HDAC9: variants seen among roughly 807,000 people sequenced by gnomAD.
The protein encoded by HDAC9 is MEF-2 interacting transcription repressor (MITR) protein.
Under a neutral mutation model 139.4 loss-of-function variants are expected in HDAC9, and 41 were observed. The observed-to-expected ratio is 0.29, with a 90% confidence interval of 0.23 to 0.38. HDAC9 has a LOEUF of 0.38. HDAC9 is among the 10% of genes least tolerant of loss of function. HDAC9 has a pLI of 1.00. For missense variants in HDAC9, 1,147 were observed against 1,297.0 expected, an observed-to-expected ratio of 0.88 and a Z score of 1.78; for synonymous variants, 517 against 476.2, an observed-to-expected ratio of 1.09 and a Z score of -1.12.
chr7:18,565,604 A>G (rs1186473301), intron 2 of HDAC9, among the ~76,000 whole-genome samples: 1 of 152,146 alleles, frequency 6.6e-6, no homozygotes, highest in South Asian at 2.1e-4. Context: ...GAACAGGACT[A>G]CATATTTTGG....
chr7:18,829,413 T>A, intron 18 of HDAC9, 48 bp from the exon 19 acceptor site: 1 of 1,378,066 alleles, frequency 7.3e-7, no homozygotes, highest in Non-Finnish European at 1.0e-6. Flanking sequence ...ATAATGGTTT[T>A]CCTGGATGAT....
chr7:18,555,623 G>T (rs1245705892), intron 2 of HDAC9, among the ~76,000 whole-genome samples: 1 of 152,062 alleles, frequency 6.6e-6, no homozygotes, highest in African/African-American at 2.4e-5. Flanking sequence ...GATCCAAGAG[G>T]ATATACTGGA....
intron 21 of HDAC9, among the ~76,000 whole-genome samples, chr7:18,842,764 C>T (rs1796668270): frequency 6.6e-6 from 1 of 152,034 alleles, no homozygotes; most frequent in South Asian, 2.1e-4. Context: ...TCTAGATACC[C>T]TTAGAATTTC....
At position 18,115,647 on chromosome 7, in the gene HDAC9, A is replaced by C. The variant is rs1783930563; in HGVS notation, c.-97+28434A>C. ...AAATCGGTTATTTGACCAGTGTTTC[A>C]GTGCCAGTAACTCATAGCAGCTATA... On this transcript the variant is annotated intron_variant, in intron 1 of 12. Coordinates refer to the HDAC9 transcript ENST00000417496. 2.6e-5 allele frequency among the ~76,000 whole-genome samples: 4 copies of C among 152,196 alleles called. No homozygotes were observed. In the South Asian group the frequency reaches 8.3e-4, roughly 31 times the overall value.
At chr7:18,805,617 C>A (rs972301958) in intron 17 of HDAC9, among the ~76,000 whole-genome samples, 1 of 152,226 alleles carries the variant, frequency 6.6e-6, no homozygotes, top group Non-Finnish European at 1.5e-5. Flanking sequence ...TAGAATGAGA[C>A]TGGAGGCATG....
intron 2 of HDAC9, among the ~76,000 whole-genome samples, chr7:18,271,638 T>G (rs1796363367): frequency 6.6e-6 from 1 of 152,210 alleles, no homozygotes; most frequent in African/African-American, 2.4e-5. Context: ...AATTCCTACA[T>G]TTTTATTAAG....
At chr7:18,122,859 T>C (rs1178833253) in intron 1 of HDAC9, among the ~76,000 whole-genome samples, 1 of 152,208 alleles carries the variant, frequency 6.6e-6, no homozygotes, top group African/African-American at 2.4e-5. Context: ...CCTCAAGTGA[T>C]CTTCCTGCCT....
At chr7:18,729,502 C>T (rs1032486552) in intron 13 of HDAC9, among the ~76,000 whole-genome samples, 2 of 152,024 alleles carry the variant, frequency 1.3e-5, no homozygotes, top group Non-Finnish European at 2.9e-5. Flanking sequence ...TGAAGCAAGA[C>T]ATCTGAATAT....
rs568608909 is a variant in HDAC9, at chr7:18,575,780, A to G, written c.23-9501A>G. 3.9e-5 allele frequency among the ~76,000 whole-genome samples: 6 copies of G among 152,376 alleles called. No homozygotes were observed. In the South Asian group the frequency reaches 1.2e-3, roughly 32 times the overall value. ...CGGGTATGTGTGTATGTGAACATATACATGCAGATGTGCACATGTGTTACT... is the reference window on the plus strand; with the variant it reads ...CGGGTATGTGTGTATGTGAACATATGCATGCAGATGTGCACATGTGTTACT... On this transcript the variant is annotated intron_variant, in intron 2 of 25. Coordinates refer to ENST00000686413, the MANE Select transcript of HDAC9 (RefSeq NM_178425.4).
intron 1 of HDAC9, among the ~76,000 whole-genome samples, chr7:18,361,648 T>C (rs2128689870): frequency 1.3e-5 from 2 of 152,340 alleles, no homozygotes; most frequent in South Asian, 4.1e-4. Context: ...CATAAAATTT[T>C]ACTGAGGGTT....
At chr7:18,925,128 G>A (rs556680114) in intron 22 of HDAC9, among the ~76,000 whole-genome samples, 19 of 152,228 alleles carry the variant, frequency 1.2e-4, no homozygotes, top group African/African-American at 1.9e-4. Flanking sequence ...AGTCATTAAC[G>A]TTTGAGGATT....
At chr7:18,536,932 A>G (rs993378355) in intron 2 of HDAC9, among the ~76,000 whole-genome samples, 1 of 152,222 alleles carries the variant, frequency 6.6e-6, no homozygotes, top group Non-Finnish European at 1.5e-5. Context: ...TGCATAAAAT[A>G]CTATGTGTAT....
chr7:18,601,427 T>C (rs896792548), intron 6 of HDAC9, among the ~76,000 whole-genome samples: 1 of 152,168 alleles, frequency 6.6e-6, no homozygotes, highest in African/African-American at 2.4e-5. Flanking sequence ...AAAACGTTAC[T>C]TTATTTCTTC....
At chr7:18,191,398 A>G (rs1232670708) in intron 2 of HDAC9, among the ~76,000 whole-genome samples, 3 of 152,200 alleles carry the variant, frequency 2.0e-5, no homozygotes, top group African/African-American at 7.2e-5. Context: ...GATTTTCTCC[A>G]TAGTCTTATC....
At chr7:18,289,055 A>G (rs1337575508), upstream of HDAC9, among the ~76,000 whole-genome samples, 1 of 152,138 alleles carries the variant, frequency 6.6e-6, no homozygotes, top group African/African-American at 2.4e-5. Context: ...TGAAGATGCA[A>G]AAGCCACAGA....
At position 18,340,163 on chromosome 7, in the gene HDAC9, T is replaced by C. The variant is rs1190102696; in HGVS notation, c.-42+49648T>C. 2.0e-5 allele frequency among the ~76,000 whole-genome samples: 3 copies of C among 151,694 alleles called. No homozygotes were observed. The Admixed American group carries it at 2.0e-4, about 10-fold the overall frequency. On this transcript the variant is annotated intron_variant, in intron 1 of 3. Coordinates refer to the HDAC9 transcript ENST00000413509. Reference sequence around the variant, plus strand: ...GAAATGATATTTATCTCCAATAATATTCTTTGCTTTGCAAACTATATGTCT... The same window carrying C: ...GAAATGATATTTATCTCCAATAATACTCTTTGCTTTGCAAACTATATGTCT...
In HDAC9 at chr7:18,495,892, A is replaced by G. The variant is rs1399421685; in HGVS notation, c.-173A>G. 2 of 1,163,384 alleles carry G rather than the reference A, an allele frequency of 1.7e-6. No homozygotes were observed. Among genetic ancestry groups the G allele is most frequent in the Non-Finnish European group, 2.1e-6 (2 of 945,344 alleles). The allele number at this position is 1,163,384 out of a possible 1,614,324, so 72.1% of individuals were successfully genotyped here. ...TCTTTTTCTCGTGGGTAGACTTAAT[A>G]ATTTTCTACGTATTCTGACAAAGAA... On this transcript the variant is annotated 5_prime_UTR_variant, in exon 1 of 26. In the 5' UTR this introduces an upstream ATG that the reference lacks. Transcript: ENST00000686413.
At chr7:18,955,729 A>C (rs1783101606) in intron 24 of HDAC9, among the ~76,000 whole-genome samples, 1 of 152,130 alleles carries the variant, frequency 6.6e-6, no homozygotes, top group African/African-American at 2.4e-5. Context: ...GGTCATAGAC[A>C]AGGGGCGGTC....
intron 2 of HDAC9, among the ~76,000 whole-genome samples, chr7:18,207,468 G>A (rs1285762573): frequency 6.8e-6 from 1 of 147,252 alleles, no homozygotes; most frequent in Non-Finnish European, 1.5e-5. Flanking sequence ...GTGTAGTGGT[G>A]CAATCGTAGC....
Sources: allele counts gnomAD v4.1 joint callset (sites outside exome capture counted in the v4.1 genomes callset), GRCh38; gene constraint gnomAD v4.1.1; transcripts MANE v1.5; gene names NCBI Gene and HGNC (gene_info 2026-07-23, HGNC 2026-07-21).